TRPM1: variants seen among roughly 807,000 people sequenced by gnomAD.
The protein encoded by TRPM1 is TRPM1-203 APA Isoform, Intron 10.
In TRPM1, 113 loss-of-function variants were observed where a neutral mutation model predicts 149.4. The ratio of observed to expected loss-of-function variants is 0.76; its 90% confidence interval spans 0.65 to 0.88. The LOEUF is 0.88. Among genes scored for constraint, TRPM1 ranks in the 40% least tolerant of loss-of-function variants. TRPM1 has a pLI of 0.00. For missense variants in TRPM1, 1,976 were observed against 2,038.7 expected, an observed-to-expected ratio of 0.97 and a Z score of 0.59; for synonymous variants, 741 against 759.5, an observed-to-expected ratio of 0.98 and a Z score of 0.40.
chr15:31,070,220 G>A lies in TRPM1; in HGVS notation c.90C>T (p.Cys30=), dbSNP rs762696971. 1 of 1,613,450 alleles carries A rather than the reference G, an allele frequency of 6.2e-7. No homozygotes were observed. Among genetic ancestry groups the A allele is most frequent in the Admixed American group, 1.7e-5 (1 of 60,012 alleles). The change falls in exon 4 of 28, where the codon TGC becomes TGT. Residue 30 remains cysteine (C), a synonymous_variant. Transcript: ENST00000256552. ...IPSMKDSNRC[C]CGQFTNQHIP... is the part of the protein sequence containing the mutation. ...TATGCTGGTTGGTGAACTGGCCACA[G>A]CAACACCTGAAAACAAAGGCAAAGC...
intron 11 of TRPM1, among the ~76,000 whole-genome samples, chr15:31,050,797 G>A (rs1486507898): frequency 6.6e-6 from 1 of 152,118 alleles, no homozygotes; most frequent in East Asian, 1.9e-4. Context: ...CTCAGTCGTC[G>A]CAGGCCTGGC....
chr15:31,056,487 T>G (rs1188396494), intron 11 of TRPM1, among the ~76,000 whole-genome samples: 1 of 152,222 alleles, frequency 6.6e-6, no homozygotes, highest in Admixed American at 6.5e-5. Flanking sequence ...TATAATTGAA[T>G]GAAAATCATA....
intron 9 of TRPM1, 124 bp downstream of exon 9, chr15:31,062,455 C>T: frequency 6.2e-6 from 8 of 1,281,488 alleles, no homozygotes; most frequent in South Asian, 2.6e-5. Context: ...TGCATTTGTA[C>T]TGTCTCTCAG....
chr15:31,040,301 C>A lies in TRPM1; in HGVS notation c.2133G>T (p.Lys711Asn). ...LALELLDQSYKHDEQIAMKLL... is the reference protein window; with the variant it reads ...LALELLDQSYNHDEQIAMKLL... Reference sequence around the variant, plus strand: ...GTTTCATAGCGATCTGCTCGTCATGCTTATAGGACTGGTCTAATAACTCCA... The same window carrying A: ...GTTTCATAGCGATCTGCTCGTCATGATTATAGGACTGGTCTAATAACTCCA... Residue 711 changes from lysine to asparagine, a missense_variant, in exon 18 of 28, where the codon AAG (lysine) becomes AAT (asparagine). By Grantham distance (94) the Lys-to-Asn change is moderately conservative (BLOSUM62 0). Coordinates refer to ENST00000256552, the MANE Select transcript of TRPM1 (RefSeq NM_001252024.2). The surrounding 1 kb of genome is among the most constrained non-coding windows in gnomAD (Gnocchi z 4.2). 6.2e-7 allele frequency: 1 copy of A among 1,614,176 alleles called. No homozygotes were observed. The highest frequency in any genetic ancestry group is 8.5e-7 in the Non-Finnish European group (1 of 1,180,042).
chr15:31,114,735 A>G (rs1274313745), intron 1 of TRPM1, among the ~76,000 whole-genome samples: 1 of 152,238 alleles, frequency 6.6e-6, no homozygotes, highest in African/African-American at 2.4e-5. Flanking sequence ...GTCCAGAAAA[A>G]ATATTCTTCC....
chr15:31,037,906 C>T (rs2033469421), intron 19 of TRPM1, 64 bp from the exon 20 acceptor site: 1 of 1,612,916 alleles, frequency 6.2e-7, no homozygotes, highest in Non-Finnish European at 8.5e-7. Context: ...GGCACTCCGG[C>T]ACACAGGCAC....
chr15:31,069,896 G>T, intron 4 of TRPM1, 135 bp downstream of exon 4: 2 of 1,603,114 alleles, frequency 1.2e-6, no homozygotes, highest in Admixed American at 3.3e-5. Flanking sequence ...ATATCTCTTG[G>T]TTTTTCAATG....
intron 1 of TRPM1, among the ~76,000 whole-genome samples, chr15:31,088,547 G>C (rs1250225706): frequency 6.6e-6 from 1 of 152,202 alleles, no homozygotes; most frequent in African/African-American, 2.4e-5. Context: ...TGTAACACTT[G>C]CTGCAAAAGT....
intron 1 of TRPM1, among the ~76,000 whole-genome samples, chr15:31,108,211 A>C (rs2035636200): frequency 6.6e-6 from 1 of 152,100 alleles, no homozygotes; most frequent in Non-Finnish European, 1.5e-5. Context: ...GTTGGAGAAC[A>C]TACTTTGCAT....
chr15:31,059,531 A>G (rs1011669211), intron 11 of TRPM1, among the ~76,000 whole-genome samples: 2 of 152,072 alleles, frequency 1.3e-5, no homozygotes, highest in Non-Finnish European at 2.9e-5. Context: ...TCAGCCTCCA[A>G]AGTAGCTGGG....
At position 31,035,445 on chromosome 15, in the gene TRPM1, C is replaced by G; in HGVS notation, c.2700+101G>C. On this transcript the variant is annotated intron_variant, in intron 21 of 27. Coordinates refer to ENST00000256552, the MANE Select transcript of TRPM1 (RefSeq NM_001252024.2). Reference sequence around the variant, plus strand: ...ACAGGCATGAGCCACCACGCCTGGCCCAACATGCATAATTTGCATGAAACG... The same window carrying G: ...ACAGGCATGAGCCACCACGCCTGGCGCAACATGCATAATTTGCATGAAACG... 3.2e-6 allele frequency: 5 copies of G among 1,543,758 alleles called. No homozygotes were observed. In the South Asian group the frequency reaches 4.5e-5, roughly 14 times the overall value.
chr15:31,150,619 A>G (rs2036288525), intron 1 of TRPM1, among the ~76,000 whole-genome samples: 2 of 152,034 alleles, frequency 1.3e-5, no homozygotes, highest in Admixed American at 1.3e-4. Flanking sequence ...TATTTTTAGC[A>G]GAGATGGGGT....
chr15:31,038,247 C>T (rs1371506070), intron 18 of TRPM1, 81 bp from the exon 19 acceptor site: 1 of 1,498,912 alleles, frequency 6.7e-7, no homozygotes, highest in African/African-American at 1.4e-5. Flanking sequence ...TAAATTATGA[C>T]CTTCAACATT....
intron 14 of TRPM1, 151 bp downstream of exon 14, chr15:31,047,738 T>C: frequency 1.3e-6 from 1 of 746,860 alleles, no homozygotes; most frequent in Non-Finnish European, 2.4e-6. Flanking sequence ...TCCTTTGCTT[T>C]CTTAGTTTTA....
chr15:31,121,241 A>G lies in TRPM1; in HGVS notation c.54+39665T>C, dbSNP rs199883463. Among the ~76,000 whole-genome samples, 16 of 151,484 alleles carry G rather than the reference A, an allele frequency of 1.1e-4. No homozygotes were observed. The East Asian group carries it at 2.9e-3, about 27-fold the overall frequency. On this transcript the variant is annotated intron_variant, in intron 1 of 26. Coordinates refer to the TRPM1 transcript ENST00000542188. Reference sequence around the variant, plus strand: ...TCCATCTCAAAAAAAAAAAAAAAAAAAAAGAAAGCTCTAAAACCGGTAATC... The same window carrying G: ...TCCATCTCAAAAAAAAAAAAAAAAAGAAAGAAAGCTCTAAAACCGGTAATC...
chr15:31,081,797 G>T (rs2034866203), intron 1 of TRPM1, among the ~76,000 whole-genome samples: 1 of 152,148 alleles, frequency 6.6e-6, no homozygotes, highest in Non-Finnish European at 1.5e-5. Context: ...CACCTGCTCA[G>T]CCCTTGCTAA....
intron 20 of TRPM1, 186 bp from the exon 21 acceptor site, chr15:31,035,860 G>T: frequency 1.3e-6 from 1 of 777,878 alleles, no homozygotes; most frequent in Non-Finnish European, 2.1e-6. Flanking sequence ...CAGGACGGGA[G>T]GCATTTTATA....
intron 5 of TRPM1, 55 bp downstream of exon 5, chr15:31,067,824 A>C (rs2034422568): frequency 6.4e-7 from 1 of 1,564,084 alleles, no homozygotes; most frequent in Non-Finnish European, 8.8e-7. Context: ...TTTGGGGACC[A>C]CAGTGAGTTC....
Position 31,113,484 on chromosome 15 carries a change from A to AT in TRPM1, c.55-36501dup, listed in dbSNP as rs573449808. Reference sequence around the variant, plus strand: ...TATAGAGATAAAAATGGGTCAAACAATATCTTAAAGACAGTGACTGAGAAT... The same window carrying AT: ...TATAGAGATAAAAATGGGTCAAACAATTATCTTAAAGACAGTGACTGAGAAT... On this transcript the variant is annotated intron_variant, in intron 1 of 26. Transcript: ENST00000542188. 2.0e-3 allele frequency among the ~76,000 whole-genome samples: 302 copies of AT among 152,174 alleles called. 4 individuals carry two copies. The highest frequency in any genetic ancestry group is 6.9e-3 in the African/African-American group (288 of 41,478).
Sources: gnomAD v4.1 joint callset for allele counts (sites outside exome capture counted in the v4.1 genomes callset) on GRCh38, gnomAD v4.1.1 for gene constraint, Gnocchi (gnomAD v3.1) non-coding constraint, MANE v1.5 for transcripts, NCBI Gene and HGNC (gene_info 2026-07-23, HGNC 2026-07-21) for gene names.